The following CRISPLD2 variants were observed in gnomAD, a reference collection of about 807,000 sequenced individuals.
CRISPLD2 encodes the protein cysteine rich secretory protein LCCL domain containing 2, also known as cysteine-rich secretory protein LCCL domain-containing 2.
Under a neutral mutation model 71.1 loss-of-function variants are expected in CRISPLD2, and 47 were observed. That is an observed-to-expected ratio of 0.66 (90% CI 0.52 to 0.84). The LOEUF is 0.84. Among genes scored for constraint, CRISPLD2 ranks in the 40% least tolerant of loss-of-function variants. CRISPLD2 has a pLI of 0.00. For missense variants in CRISPLD2, 830 were observed against 651.1 expected, an observed-to-expected ratio of 1.27 and a Z score of -2.99; for synonymous variants, 317 against 250.1, an observed-to-expected ratio of 1.27 and a Z score of -2.52.
chr16:84,870,682 T>C (rs2071460799), intron 8 of CRISPLD2, among the ~76,000 whole-genome samples: 1 of 152,254 alleles, frequency 6.6e-6, no homozygotes, highest in Non-Finnish European at 1.5e-5. Flanking sequence ...AGTGACTGCC[T>C]GATACTCTGA....
At chr16:84,868,414 C>G (rs1342375531) in intron 7 of CRISPLD2, among the ~76,000 whole-genome samples, 1 of 152,194 alleles carries the variant, frequency 6.6e-6, no homozygotes. Context: ...CTCGGGTGAG[C>G]CTGGCTGGGT....
At chr16:84,900,142 G>C (rs1309905127) in intron 14 of CRISPLD2, among the ~76,000 whole-genome samples, 1 of 152,164 alleles carries the variant, frequency 6.6e-6, no homozygotes, top group Non-Finnish European at 1.5e-5. Flanking sequence ...CCTGGGTCTT[G>C]GCTCTTGGCG....
chr16:84,893,497 G>A (rs1400502184), intron 14 of CRISPLD2, among the ~76,000 whole-genome samples: 1 of 152,158 alleles, frequency 6.6e-6, no homozygotes, highest in African/African-American at 2.4e-5. Flanking sequence ...TACACTTAGG[G>A]AGCGCTGACG....
At chr16:84,862,719 C>G (rs1212433094) in intron 6 of CRISPLD2, among the ~76,000 whole-genome samples, 2 of 137,744 alleles carry the variant, frequency 1.5e-5, no homozygotes, top group Non-Finnish European at 3.0e-5. Context: ...GGCAGCCTTG[C>G]CATGACCGAG....
chr16:84,900,050 G>T (rs944201001), intron 14 of CRISPLD2, among the ~76,000 whole-genome samples: 1 of 152,068 alleles, frequency 6.6e-6, no homozygotes, highest in Non-Finnish European at 1.5e-5. Context: ...CCAGAAACCA[G>T]CAGGGCCGCC....
intron 7 of CRISPLD2, among the ~76,000 whole-genome samples, chr16:84,867,917 C>T (rs1384000552): frequency 2.6e-5 from 4 of 152,242 alleles, no homozygotes; most frequent in Non-Finnish European, 5.9e-5. Flanking sequence ...TTCAGCTCCC[C>T]CCAGCCACTG....
chr16:84,823,214 A>C (rs1244635650), intron 1 of CRISPLD2, among the ~76,000 whole-genome samples: 2 of 152,198 alleles, frequency 1.3e-5, no homozygotes, highest in Non-Finnish European at 2.9e-5. Context: ...TGGCTGAGTA[A>C]TATTCCATTG....
chr16:84,858,045 CTG>C (rs1019691143), intron 6 of CRISPLD2, among the ~76,000 whole-genome samples: 2 of 152,172 alleles, frequency 1.3e-5, no homozygotes, highest in Non-Finnish European at 2.9e-5. Flanking sequence ...AGGCCAAGAG[CTG>C]TCTCTCAAAA....
chr16:84,833,221 C>T (rs545973540), intron 1 of CRISPLD2, among the ~76,000 whole-genome samples: 6 of 152,288 alleles, frequency 3.9e-5, no homozygotes, highest in Middle Eastern at 3.4e-3. Context: ...CGCTTTGATT[C>T]GCCAGCTGTG....
intron 12 of CRISPLD2, among the ~76,000 whole-genome samples, chr16:84,878,264 T>C (rs902954366): frequency 7.1e-6 from 1 of 140,514 alleles, no homozygotes; most frequent in African/African-American, 3.3e-5. Context: ...GGCCAAGGTA[T>C]ACAGGGTCAC....
chr16:84,865,188 C>T lies in CRISPLD2; in HGVS notation c.710-1709C>T, dbSNP rs190984919. Among the ~76,000 whole-genome samples the T allele has an allele frequency of 6.4e-3, 962 of 150,162 alleles. 3 individuals carry two copies. Among genetic ancestry groups the T allele is most frequent in the Middle Eastern group, 0.017 (5 of 286 alleles). ...TTTTTTTTTTTGAGACAGAGTTTCG[C>T]TCTGTCGCCCAGGCTGGAGTGCAGT... On this transcript the variant is annotated intron_variant, in intron 6 of 14. Transcript: ENST00000262424.
At chr16:84,896,219 A>G (rs563420484) in intron 14 of CRISPLD2, among the ~76,000 whole-genome samples, 17 of 151,716 alleles carry the variant, frequency 1.1e-4, no homozygotes, top group Non-Finnish European at 1.9e-4. Context: ...TTTCATATAT[A>G]TATATGTTTA....
chr16:84,838,015 C>T (rs551032052), intron 1 of CRISPLD2, among the ~76,000 whole-genome samples: 4 of 152,186 alleles, frequency 2.6e-5, no homozygotes, highest in Admixed American at 2.0e-4. Flanking sequence ...CAACGTTGGT[C>T]CACGGAGCAT....
intron 2 of CRISPLD2, among the ~76,000 whole-genome samples, chr16:84,843,304 CA>C (rs1237858768): frequency 6.6e-6 from 1 of 152,230 alleles, no homozygotes; most frequent in Non-Finnish European, 1.5e-5. Flanking sequence ...GGTTCACACC[CA>C]AACAAGCAAT....
rs1295678680 is a variant in CRISPLD2 at position 84,909,070 on chromosome 16, A to C, written c.*2428A>C. 6.6e-6 allele frequency: 1 copy of C among 152,312 alleles called. No homozygotes were observed. Among genetic ancestry groups the C allele is most frequent in the Non-Finnish European group, 1.5e-5 (1 of 68,026 alleles). 9.4% of individuals were successfully genotyped at this position (152,312 alleles called of 1,614,324 possible). ...TTCAGAAAATGGAAACAAGACTATA[A>C]ATGATAAGCCCTGTCCCTAGCACCA... On this transcript the variant is annotated 3_prime_UTR_variant, in exon 15 of 15. Transcript: ENST00000262424.
At chr16:84,875,772 G>C (rs995770541) in intron 11 of CRISPLD2, among the ~76,000 whole-genome samples, 8 of 149,066 alleles carry the variant, frequency 5.4e-5, no homozygotes, top group African/African-American at 2.0e-4. Context: ...CGCCACGTTG[G>C]CCAGGCTGGT....
At chr16:84,905,874 T>C (rs1455051114) in intron 14 of CRISPLD2, among the ~76,000 whole-genome samples, 1 of 151,882 alleles carries the variant, frequency 6.6e-6, no homozygotes, top group Non-Finnish European at 1.5e-5. Context: ...CACATCCGGC[T>C]AATTTTTGTA....
chr16:84,836,724 C>G (rs1916629916), intron 1 of CRISPLD2, among the ~76,000 whole-genome samples: 1 of 152,162 alleles, frequency 6.6e-6, no homozygotes, highest in Non-Finnish European at 1.5e-5. Context: ...TACATCTCCC[C>G]ACCCCGGCCC....
intron 7 of CRISPLD2, 118 bp downstream of exon 7, chr16:84,867,158 CAG>C (rs879339676): frequency 3.7e-5 from 38 of 1,028,812 alleles, no homozygotes; most frequent in East Asian, 1.0e-4. Context: ...CAGTGGCAAA[CAG>C]GGTGCGGCGA....
Sources: allele counts gnomAD v4.1 joint callset (sites outside exome capture counted in the v4.1 genomes callset), GRCh38; gene constraint gnomAD v4.1.1; transcripts MANE v1.5; gene names NCBI Gene and HGNC (gene_info 2026-07-23, HGNC 2026-07-21).